Variants in ZFYVE1 observed in about 807,000 individuals in gnomAD.
ZFYVE1 encodes zinc finger FYVE domain-containing protein 1.
Under a neutral mutation model 74.4 loss-of-function variants are expected in ZFYVE1, and 30 were observed. The ratio of observed to expected loss-of-function variants is 0.40; its 90% confidence interval spans 0.30 to 0.55. The LOEUF is 0.55. ZFYVE1 is among the 20% of genes least tolerant of loss of function. The pLI is 0.42. For missense variants in ZFYVE1, 703 were observed against 1,011.6 expected (o/e 0.69, Z 4.14); for synonymous variants, 335 against 385.1 (o/e 0.87, Z 1.52).
intron 3 of ZFYVE1, among the ~76,000 whole-genome samples, chr14:72,994,322 CAAAAAAAAAAAAAAAA>C: frequency 3.2e-5 from 1 of 31,140 alleles, no homozygotes; most frequent in Non-Finnish European, 5.7e-5. Context: ...GACGCTGTCT[CAAAAAAAAAAAAAAAA>C]AAAAAAAAAA....
At chr14:73,026,289 C>A (rs1013903809) in intron 1 of ZFYVE1, among the ~76,000 whole-genome samples, 1 of 152,110 alleles carries the variant, frequency 6.6e-6, no homozygotes, top group Non-Finnish European at 1.5e-5. Context: ...ATAACTGGGG[C>A]AAGAAAGGGG....
intron 4 of ZFYVE1, among the ~76,000 whole-genome samples, chr14:72,983,348 T>TC (rs1156432392): frequency 3.3e-5 from 2 of 60,250 alleles, no homozygotes; most frequent in African/African-American, 1.3e-4. Context: ...CCTTCCCCCC[T>TC]CCCCCCCACC....
intron 3 of ZFYVE1, among the ~76,000 whole-genome samples, chr14:72,997,435 G>A (rs9888558): frequency 0.31 from 47,699 of 151,588 alleles, 7,797 homozygotes; most frequent in Middle Eastern, 0.4. Context: ...TGGGCTCAAG[G>A]GATTCTCCCA....
At chr14:72,983,669 C>T (rs1893401840) in intron 4 of ZFYVE1, among the ~76,000 whole-genome samples, 1 of 152,114 alleles carries the variant, frequency 6.6e-6, no homozygotes, top group South Asian at 2.1e-4. Flanking sequence ...CATACGTGTG[C>T]ATGTGTCTTT....
intron 4 of ZFYVE1, chr14:72,986,951 G>C: frequency 3.0e-6 from 3 of 985,436 alleles, no homozygotes; most frequent in Non-Finnish European, 3.6e-6. Context: ...AGCTAGAAGA[G>C]AAAGGCAGGG....
chr14:73,015,719 ATC>A (rs1003429091), intron 2 of ZFYVE1, among the ~76,000 whole-genome samples: 2 of 152,100 alleles, frequency 1.3e-5, no homozygotes, highest in African/African-American at 2.4e-5. Context: ...CTAGAATAAC[ATC>A]TCTTTTAGTC....
intron 8 of ZFYVE1, among the ~76,000 whole-genome samples, chr14:72,977,376 T>C (rs980405893): frequency 6.6e-6 from 1 of 151,862 alleles, no homozygotes; most frequent in Non-Finnish European, 1.5e-5. Context: ...GATCTCACCA[T>C]TGCACTTCAG....
intron 3 of ZFYVE1, among the ~76,000 whole-genome samples, chr14:72,995,602 T>A (rs1396410181): frequency 6.6e-6 from 1 of 152,166 alleles, no homozygotes; most frequent in African/African-American, 2.4e-5. Flanking sequence ...TTCCCCTCAC[T>A]AAAACTGTAA....
At chr14:72,993,389 G>T (rs773187494) in intron 3 of ZFYVE1, 32 bp from the exon 4 acceptor site, 24 of 1,489,598 alleles carry the variant, frequency 1.6e-5, no homozygotes, top group Non-Finnish European at 2.0e-5. Context: ...CACATGGGTA[G>T]TGAGTGACAT....
intron 2 of ZFYVE1, among the ~76,000 whole-genome samples, chr14:73,000,320 G>A (rs1422518495): frequency 1.3e-5 from 2 of 152,042 alleles, no homozygotes; most frequent in African/African-American, 4.8e-5. Context: ...GACAACAAAC[G>A]GCTGGGAGCA....
At position 72,974,823 on chromosome 14, in the gene ZFYVE1, A is replaced by C; in HGVS notation, c.1943T>G (p.Val648Gly). Residue 648 changes from valine (V) to glycine (G), a missense_variant, in exon 10 of 12, where the codon GTG becomes GGG. This residue lies in a region of ZFYVE1 where 492 missense variants were observed against 790.0 expected (regional missense o/e 0.62). Transcript: ENST00000556143. ...TTCGTAGCAGTTGTCACAGACCCGC[A>C]CTGGCGCAGGGCCCCAGCCCCGCTC... ...VPERGWGPAP[V>G]RVCDNCYEAR... 1 of 1,612,390 alleles carries C rather than the reference A, an allele frequency of 6.2e-7. No individual in the cohort carries two copies. The highest frequency in any genetic ancestry group is 8.5e-7 in the Non-Finnish European group (1 of 1,178,846).
intron 4 of ZFYVE1, among the ~76,000 whole-genome samples, chr14:72,984,637 C>T (rs921787805): frequency 3.3e-5 from 5 of 152,118 alleles, no homozygotes; most frequent in African/African-American, 4.8e-5. Flanking sequence ...ATAAGTCGGC[C>T]TATACATTTC....
chr14:73,022,174 G>A (rs1178745108), intron 2 of ZFYVE1, among the ~76,000 whole-genome samples: 1 of 152,114 alleles, frequency 6.6e-6, no homozygotes, highest in Non-Finnish European at 1.5e-5. Flanking sequence ...CGCTGACAAG[G>A]GACATGGAAT....
intron 2 of ZFYVE1, among the ~76,000 whole-genome samples, chr14:73,005,647 A>G (rs1179838860): frequency 1.3e-5 from 2 of 152,220 alleles, no homozygotes; most frequent in Non-Finnish European, 2.9e-5. Context: ...ACAGATGTCC[A>G]GCTCCTAGCG....
At chr14:72,974,320 G>C in intron 10 of ZFYVE1, 127 bp from the exon 11 acceptor site, 1 of 852,184 alleles carries the variant, frequency 1.2e-6, no homozygotes, top group Admixed American at 2.1e-5. Flanking sequence ...TGCAACTACT[G>C]CAAGGGTCTG....
At chr14:72,994,681 A>G (rs569187254) in intron 3 of ZFYVE1, among the ~76,000 whole-genome samples, 2 of 152,324 alleles carry the variant, frequency 1.3e-5, no homozygotes, top group Non-Finnish European at 2.9e-5. Flanking sequence ...CTACTTCCCG[A>G]AAGTAACCAC....
intron 2 of ZFYVE1, among the ~76,000 whole-genome samples, chr14:72,999,816 T>C (rs1021554572): frequency 1.3e-5 from 2 of 152,140 alleles, no homozygotes; most frequent in Admixed American, 1.3e-4. Flanking sequence ...TCTCAGCACT[T>C]TGGGAGGCCC....
At chr14:72,976,707 CAG>C (rs1189846492) in intron 8 of ZFYVE1, among the ~76,000 whole-genome samples, 1 of 149,876 alleles carries the variant, frequency 6.7e-6, no homozygotes, top group Non-Finnish European at 1.5e-5. Flanking sequence ...TGCTTGAACC[CAG>C]GAGGTGGAGG....
At chr14:72,991,911 CT>C (rs538080797) in intron 4 of ZFYVE1, among the ~76,000 whole-genome samples, 260 of 144,934 alleles carry the variant, frequency 1.8e-3, no homozygotes, top group Middle Eastern at 3.5e-3. Context: ...AAATCTCCCT[CT>C]TTTTTTTTTT....
Sources: gnomAD v4.1 joint callset for allele counts (sites outside exome capture counted in the v4.1 genomes callset) on GRCh38, gnomAD v4.1.1 for gene constraint, gnomAD v4.1.1 regional missense constraint, MANE v1.5 for transcripts, NCBI Gene and HGNC (gene_info 2026-07-23, HGNC 2026-07-21) for gene names.